Variants in SLC9A3 observed in about 807,000 individuals in gnomAD.
SLC9A3 encodes solute carrier family 9 member A3, also known as sodium/hydrogen exchanger 3.
Under a neutral mutation model 86.8 loss-of-function variants are expected in SLC9A3, and 37 were observed. The ratio of observed to expected loss-of-function variants is 0.43; its 90% CI spans 0.33 to 0.56. The LOEUF (loss-of-function observed/expected upper bound fraction) is 0.56. SLC9A3 is among the 20% of genes least tolerant of loss of function. The probability of loss-of-function intolerance (pLI) is 0.06; values close to 1 mark genes in which losing one functional copy is unlikely to be tolerated. For synonymous variants in SLC9A3, 581 were observed against 528.3 expected (o/e 1.10, Z -1.37); for missense variants, 1,011 against 1,171.9 (o/e 0.86, Z 2.00).
chr5:516,394 G>T (rs1183387336), intron 1 of SLC9A3, among the ~76,000 whole-genome samples: 1 of 152,184 alleles, frequency 6.6e-6, no homozygotes, highest in African/African-American at 2.4e-5. Context: ...CGATAAGACG[G>T]ATGAGACCAT....
intron 1 of SLC9A3, among the ~76,000 whole-genome samples, chr5:507,741 A>G (rs1740673214): frequency 7.3e-6 from 1 of 137,674 alleles, no homozygotes; most frequent in Non-Finnish European, 1.6e-5. Context: ...CCCACCCCAC[A>G]GACGCCCGAA....
intron 1 of SLC9A3, among the ~76,000 whole-genome samples, chr5:512,965 C>T (rs78019120): frequency 0.021 from 3,228 of 152,308 alleles, 55 homozygotes; most frequent in Non-Finnish European, 0.033. Flanking sequence ...ACCAGTCCCA[C>T]TTTTCACTGG....
At chr5:509,030 C>T (rs904027150) in intron 1 of SLC9A3, among the ~76,000 whole-genome samples, 6 of 151,506 alleles carry the variant, frequency 4.0e-5, no homozygotes, top group Non-Finnish European at 7.4e-5. Flanking sequence ...ATCACTTGAG[C>T]CTGGGAGGTG....
Position 475,652 on chromosome 5 carries a change from G to C in SLC9A3, c.2160C>G (p.Thr720=), listed in dbSNP as rs1307573442. The change falls in exon 15 of 17, where the codon ACC becomes ACG. Residue 720 remains threonine (T), a synonymous_variant. Coordinates refer to ENST00000264938, the MANE Select transcript of SLC9A3 (RefSeq NM_004174.4). ...CCTCATCATAGTTGGGGGGCTCCTC[G>C]GTGTCTGAAAGTTCCAAGTCTGGGG... ...IKEKDLELSD[T]EEPPNYDEEM... 7.1e-6 allele frequency: 11 copies of C among 1,550,810 alleles called. No individual in the cohort carries two copies. Among genetic ancestry groups the C allele is most frequent in the Non-Finnish European group, 9.6e-6 (11 of 1,145,950 alleles).
At chr5:515,439 C>T (rs1014363817) in intron 1 of SLC9A3, among the ~76,000 whole-genome samples, 8 of 152,080 alleles carry the variant, frequency 5.3e-5, no homozygotes, top group East Asian at 1.9e-4. Context: ...ACTGACGACA[C>T]GACACTTTGG....
At position 472,791 on chromosome 5, in the gene SLC9A3, G is replaced by GT. The variant is rs1468496157; in HGVS notation, c.*587dup. On this transcript the variant is annotated 3_prime_UTR_variant, in exon 17 of 17. Coordinates refer to ENST00000264938, the MANE Select transcript of SLC9A3 (RefSeq NM_004174.4). Reference sequence around the variant, plus strand: ...GGCCCTGAGTCCTGGCGCTCGGGAGGTCCCTGAGTCGGTCCCCGAGTCAGT... The same window carrying GT: ...GGCCCTGAGTCCTGGCGCTCGGGAGGTTCCCTGAGTCGGTCCCCGAGTCAGT... 1.3e-4 allele frequency: 73 copies of GT among 581,030 alleles called. 1 individual carries two copies. The Admixed American group carries it at 1.6e-3, about 12-fold the overall frequency. 36.0% of individuals were successfully genotyped at this position (581,030 alleles called of 1,614,324 possible).
At chr5:479,165 C>A (rs1055155522) in intron 10 of SLC9A3, 3 of 152,614 alleles carry the variant, frequency 2.0e-5, no homozygotes, top group Non-Finnish European at 4.4e-5. Context: ...TGCGGAATCC[C>A]TGCAGCTGTG....
intron 1 of SLC9A3, among the ~76,000 whole-genome samples, chr5:512,586 G>A (rs1242924697): frequency 1.3e-5 from 2 of 152,206 alleles, no homozygotes; most frequent in Non-Finnish European, 2.9e-5. Context: ...GGGGGAGTGG[G>A]GGGTGGAACG....
Position 484,530 on chromosome 5 carries a change from C to G in SLC9A3, c.922G>C (p.Ala308Pro). The G allele has an allele frequency of 6.2e-7, 1 of 1,612,696 alleles. No individual in the cohort carries two copies. The highest frequency in any genetic ancestry group is 8.5e-7 in the Non-Finnish European group (1 of 1,179,924). The change falls in exon 5 of 17, where the codon GCC becomes CCC. Residue 308 changes from alanine (A) to proline (P), a missense_variant. Transcript: ENST00000264938. ...GTGGGAGGGACTCACGCGAGGATGG[C>G]CGACAGCGACAGCATCTCGGACGTC... ...YLTSEMLSLSAILAITFCGIC... is the reference protein window; with the variant it reads ...YLTSEMLSLSPILAITFCGIC...
intron 9 of SLC9A3, 65 bp downstream of exon 9, chr5:481,500 C>G (rs1027602363): frequency 2.2e-6 from 3 of 1,361,530 alleles, no homozygotes; most frequent in Admixed American, 3.3e-5. Context: ...TCTGGTTCTT[C>G]CGAGTGGAGG....
In SLC9A3 at chr5:483,356, G is replaced by A. The variant is rs977173887; in HGVS notation, c.1059C>T (p.Phe353=). 3 of 1,569,998 alleles carry A rather than the reference G, an allele frequency of 1.9e-6. 1 individual carries two copies. Among genetic ancestry groups the A allele is most frequent in the Middle Eastern group, 3.3e-4 (2 of 6,032 alleles). Reference sequence around the variant, plus strand: ...ACGGGTTCACGGCCGAGATACCCAGGAACATGAAGATGATGGTCTCGGCGC... The same window carrying A: ...ACGGGTTCACGGCCGAGATACCCAGAAACATGAAGATGATGGTCTCGGCGC... ...ASSAETIIFM[F]LGISAVNPFI... Residue 353 remains phenylalanine, a synonymous_variant, in exon 6 of 17, where the codon TTC becomes TTT. Transcript: ENST00000264938.
Position 479,968 on chromosome 5 carries a change from G to T in SLC9A3, c.1518-3C>A. ...ACTTCCTGTCGAAGTGGGACCACCT[G>T]TAGGGACAGACCTTGGGTGTGAGCC... On this transcript the variant is annotated splice_region_variant and splice_polypyrimidine_tract_variant and intron_variant, in intron 9 of 16. Transcript: ENST00000264938. 6.2e-7 allele frequency: 1 copy of T among 1,613,290 alleles called. No homozygotes were observed. The highest frequency in any genetic ancestry group is 8.5e-7 in the Non-Finnish European group (1 of 1,179,582).
chr5:512,203 T>C (rs1470333846), intron 1 of SLC9A3, among the ~76,000 whole-genome samples: 1 of 152,168 alleles, frequency 6.6e-6, no homozygotes, highest in African/African-American at 2.4e-5. Context: ...TGTACCCATG[T>C]CCAAACTCAC....
At chr5:475,460 C>T in intron 15 of SLC9A3, 101 bp downstream of exon 15, 2 of 717,690 alleles carry the variant, frequency 2.8e-6, no homozygotes, top group Admixed American at 2.4e-5. Flanking sequence ...GGAGACCCCA[C>T]CCCCCCAGGT....
At chr5:486,336 C>T (rs953284860) in intron 3 of SLC9A3, among the ~76,000 whole-genome samples, 12 of 152,324 alleles carry the variant, frequency 7.9e-5, no homozygotes, top group South Asian at 4.1e-4. Context: ...CCACTCTGCA[C>T]GTGCCCCTCG....
At chr5:484,739 G>A (rs1739385813) in intron 4 of SLC9A3, 42 bp from the exon 5 acceptor site, 1 of 1,598,260 alleles carries the variant, frequency 6.3e-7, no homozygotes, top group African/African-American at 1.3e-5. Context: ...GGCCTTCCGG[G>A]CCCTTCCTTG....
intron 1 of SLC9A3, among the ~76,000 whole-genome samples, chr5:498,886 T>C (rs1197867672): frequency 6.6e-6 from 1 of 152,200 alleles, no homozygotes; most frequent in Admixed American, 6.5e-5. Context: ...AGAGGAGTCC[T>C]GCAGCGTCTC....
intron 1 of SLC9A3, among the ~76,000 whole-genome samples, chr5:519,544 C>CT (rs1733823517): frequency 6.6e-6 from 1 of 152,198 alleles, no homozygotes; most frequent in Non-Finnish European, 1.5e-5. Flanking sequence ...GGCAGGTGGT[C>CT]TAGGCAGTGT....
chr5:522,498 G>A (rs539483075), intron 1 of SLC9A3, among the ~76,000 whole-genome samples: 3 of 152,298 alleles, frequency 2.0e-5, no homozygotes, highest in South Asian at 2.1e-4. Context: ...GGTGGCTCAC[G>A]CCTGTCATCC....
Sources: gnomAD v4.1 joint callset for allele counts (sites outside exome capture counted in the v4.1 genomes callset) on GRCh38, gnomAD v4.1.1 for gene constraint, MANE v1.5 for transcripts, NCBI Gene and HGNC (gene_info 2026-07-23, HGNC 2026-07-21) for gene names.